Variants in TRPS1 observed in about 807,000 individuals in gnomAD.
TRPS1 encodes zinc finger transcription factor Trps1.
A neutral mutation model predicts 101.2 loss-of-function variants in TRPS1; 6 were observed. That is an observed-to-expected ratio of 0.06 (90% CI 0.03 to 0.12). TRPS1 has a LOEUF of 0.12. TRPS1 is among the 10% of genes least tolerant of loss of function. TRPS1 has a pLI of 1.00. For synonymous variants in TRPS1, 578 were observed against 589.8 expected, an observed-to-expected ratio of 0.98 and a Z score of 0.29; for missense variants, 1,363 against 1,567.0, an observed-to-expected ratio of 0.87 and a Z score of 2.20.
intron 5 of TRPS1, among the ~76,000 whole-genome samples, chr8:115,566,203 G>A (rs995343458): frequency 6.6e-6 from 1 of 152,158 alleles, no homozygotes; most frequent in African/African-American, 2.4e-5. Context: ...AATGTTGCAT[G>A]TATCATAAAA....
intron 5 of TRPS1, among the ~76,000 whole-genome samples, chr8:115,525,443 T>TGAAC (rs1815973648): frequency 1.3e-5 from 2 of 152,038 alleles, no homozygotes; most frequent in African/African-American, 4.8e-5. Context: ...ATAAGTACCA[T>TGAAC]GTATGCCAGT....
intron 5 of TRPS1, among the ~76,000 whole-genome samples, chr8:115,546,712 G>A (rs1816582888): frequency 6.6e-6 from 1 of 151,626 alleles, no homozygotes; most frequent in Non-Finnish European, 1.5e-5. Flanking sequence ...ACTATTATAA[G>A]TACCTAATAT....
At chr8:115,573,056 G>C (rs1209898408) in intron 5 of TRPS1, among the ~76,000 whole-genome samples, 1 of 151,922 alleles carries the variant, frequency 6.6e-6, no homozygotes, top group Non-Finnish European at 1.5e-5. Flanking sequence ...CCCAGGAGGT[G>C]GAGGTTGTGG....
At chr8:115,573,443 A>T (rs748730977) in intron 5 of TRPS1, among the ~76,000 whole-genome samples, 3 of 152,156 alleles carry the variant, frequency 2.0e-5, no homozygotes, top group Non-Finnish European at 4.4e-5. Flanking sequence ...TCACCCGCAC[A>T]TATAAACTTT....
intron 5 of TRPS1, among the ~76,000 whole-genome samples, chr8:115,543,142 G>A (rs1421721562): frequency 6.6e-6 from 1 of 152,086 alleles, no homozygotes; most frequent in Non-Finnish European, 1.5e-5. Flanking sequence ...ACCACCACTT[G>A]AAACACAAAG....
rs1251493597 is a variant in TRPS1, at chr8:115,413,534, C to T, written c.*489G>A. 1.3e-5 allele frequency: 2 copies of T among 153,948 alleles called. No individual in the cohort carries two copies. The highest frequency in any genetic ancestry group is 4.8e-5 in the African/African-American group (2 of 41,410). 9.5% of individuals were successfully genotyped at this position (153,948 alleles called of 1,614,324 possible). On this transcript the variant is annotated 3_prime_UTR_variant, in exon 7 of 7. Transcript: ENST00000395715. ...AGAGGGCGCCATTTTTCTTTCATTG[C>T]CCTGGACCTTCAATTTCTCCTCCTC... is the stretch of plus-strand genomic sequence containing the variant.
At chr8:115,542,286 T>C in intron 5 of TRPS1, among the ~76,000 whole-genome samples, 1 of 152,182 alleles carries the variant, frequency 6.6e-6, no homozygotes, top group Admixed American at 6.5e-5. Context: ...AACTAATCAC[T>C]ATCATTACTT....
intron 1 of TRPS1, among the ~76,000 whole-genome samples, chr8:115,637,906 C>T (rs1285273620): frequency 6.6e-6 from 1 of 152,142 alleles, no homozygotes; most frequent in African/African-American, 2.4e-5. Context: ...ATTCTAGCCC[C>T]GTTTATCCTG....
intron 5 of TRPS1, among the ~76,000 whole-genome samples, chr8:115,547,967 A>G (rs971727766): frequency 1.3e-5 from 2 of 152,104 alleles, no homozygotes; most frequent in African/African-American, 4.8e-5. Context: ...ATAGTGGCTC[A>G]CATCAGTAAT....
At chr8:115,458,360 A>G (rs1242557183) in intron 5 of TRPS1, among the ~76,000 whole-genome samples, 1 of 152,290 alleles carries the variant, frequency 6.6e-6, no homozygotes. Context: ...CATCCTTTTA[A>G]TCATCTTAAT....
chr8:115,565,884 A>G (rs1459923579), intron 5 of TRPS1, among the ~76,000 whole-genome samples: 3 of 152,160 alleles, frequency 2.0e-5, no homozygotes, highest in Non-Finnish European at 2.9e-5. Context: ...ACCAAAGGCA[A>G]TATTTCTTAT....
chr8:115,431,252 T>C (rs2129830263), intron 5 of TRPS1, among the ~76,000 whole-genome samples: 1 of 152,176 alleles, frequency 6.6e-6, no homozygotes, highest in East Asian at 1.9e-4. Context: ...ATTTTAAAGA[T>C]ATTGAAAACT....
intron 5 of TRPS1, among the ~76,000 whole-genome samples, chr8:115,544,812 G>A (rs1816532943): frequency 6.6e-6 from 1 of 152,034 alleles, no homozygotes; most frequent in African/African-American, 2.4e-5. Context: ...TGTAGTTGAT[G>A]AACCTCAGAT....
At chr8:115,415,276 C>T (rs1812891709) in intron 6 of TRPS1, among the ~76,000 whole-genome samples, 192 bp from the exon 7 acceptor site, 1 of 152,130 alleles carries the variant, frequency 6.6e-6, no homozygotes, top group South Asian at 2.1e-4. Flanking sequence ...CTATTTTAGC[C>T]TAATTAAATC....
intron 1 of TRPS1, among the ~76,000 whole-genome samples, chr8:115,634,011 AAAC>A (rs1222143718): frequency 2.1e-5 from 3 of 139,600 alleles, no homozygotes; most frequent in Middle Eastern, 6.9e-3. Context: ...TAACCAAAAC[AAAC>A]AACAACAACA....
chr8:115,668,470 GCCGAGGGGCGCCCGC>G (rs1811985802), intron 1 of TRPS1, 60 bp downstream of exon 1: 1 of 144,386 alleles, frequency 6.9e-6, no homozygotes, highest in African/African-American at 2.5e-5. Flanking sequence ...CCCGGGCCCG[GCCGAGGGGCGCCCGC>G]GCCCCCCGCG....
rs573173360 is a variant in TRPS1 at position 115,433,595 on chromosome 8, G to A, written c.2701-15143C>T. On this transcript the variant is annotated intron_variant, in intron 5 of 6. Coordinates refer to ENST00000395715, the MANE Select transcript of TRPS1 (RefSeq NM_014112.5). ...TCAATTCAGTATCAAGTTTAATCTT[G>A]TAGAGGTAGTTATGTTTAATTGTTA... is the stretch of plus-strand genomic sequence containing the variant. Among the ~76,000 whole-genome samples the A allele has an allele frequency of 3.3e-5, 5 of 152,172 alleles. No individual in the cohort carries two copies. The East Asian group carries it at 9.7e-4, about 29-fold the overall frequency.
At chr8:115,535,263 A>G (rs1452816633) in intron 5 of TRPS1, among the ~76,000 whole-genome samples, 1 of 143,738 alleles carries the variant, frequency 7.0e-6, no homozygotes, top group Non-Finnish European at 1.5e-5. Context: ...GCATATATAT[A>G]GCATATATAT....
At chr8:115,579,668 T>C (rs899853929) in intron 5 of TRPS1, among the ~76,000 whole-genome samples, 2 of 152,078 alleles carry the variant, frequency 1.3e-5, no homozygotes, top group Admixed American at 6.6e-5. Flanking sequence ...TAAAAATAGA[T>C]ATCTATAGTG....
Sources: allele counts gnomAD v4.1 joint callset (sites outside exome capture counted in the v4.1 genomes callset), GRCh38; gene constraint gnomAD v4.1.1; transcripts MANE v1.5; gene names NCBI Gene and HGNC (gene_info 2026-07-23, HGNC 2026-07-21).